Variants in RAPGEF2 observed in about 807,000 individuals in gnomAD.
RAPGEF2 encodes Rap guanine nucleotide exchange factor 2.
In RAPGEF2, 54 loss-of-function variants were observed where a neutral mutation model predicts 186.7. That is an observed-to-expected ratio of 0.29 (90% CI 0.23 to 0.36). RAPGEF2 has a LOEUF of 0.36. Among genes scored for constraint, RAPGEF2 ranks in the 10% least tolerant of loss-of-function variants. The pLI, the probability that RAPGEF2 is intolerant of heterozygous loss-of-function variation, is 1.00. For missense variants in RAPGEF2, 1,532 were observed against 2,045.0 expected, an observed-to-expected ratio of 0.75 and a Z score of 4.84; for synonymous variants, 712 against 705.9, an observed-to-expected ratio of 1.01 and a Z score of -0.14.
At chr4:159,310,094 G>A (rs1453550843) in intron 8 of RAPGEF2, among the ~76,000 whole-genome samples, 1 of 150,782 alleles carries the variant, frequency 6.6e-6, no homozygotes, top group African/African-American at 2.5e-5. Flanking sequence ...AGCTCACAAT[G>A]TTAAAATGTT....
In RAPGEF2 at chr4:159,103,447, C is replaced by T; in HGVS notation, c.-716C>T. The T allele has an allele frequency of 6.2e-6, 1 of 160,362 alleles. No homozygotes were observed. The highest frequency in any genetic ancestry group is 1.3e-5 in the Non-Finnish European group (1 of 74,700). The allele number at this position is 160,362 out of a possible 1,614,324, so 9.9% of individuals were successfully genotyped here. A position where few individuals can be genotyped will look rare whatever the true frequency, so the allele number is the denominator to read the frequency against. ...GCCCGAGCAGCAGAGGCGGCGGCGG[C>T]GGCGGCTGGGCGGCCCGAGGGGATG... On this transcript the variant is annotated 5_prime_UTR_variant, in exon 1 of 30. Transcript: ENST00000691494.
intron 4 of RAPGEF2, among the ~76,000 whole-genome samples, chr4:159,213,091 C>T (rs1246705881): frequency 1.3e-5 from 2 of 152,138 alleles, no homozygotes; most frequent in Non-Finnish European, 2.9e-5. Flanking sequence ...ATGGCGGTTC[C>T]GACGGAATGA....
intron 1 of RAPGEF2, among the ~76,000 whole-genome samples, chr4:159,162,275 A>G (rs1366384728): frequency 6.6e-6 from 1 of 150,658 alleles, no homozygotes; most frequent in Non-Finnish European, 1.5e-5. Flanking sequence ...TTGTAGTCCC[A>G]AGTAGCTGGG....
intron 11 of RAPGEF2, chr4:159,326,546 A>C (rs1765950241): frequency 6.6e-6 from 1 of 152,170 alleles, no homozygotes; most frequent in African/African-American, 2.4e-5. Context: ...ATTAAATTTA[A>C]GATTTATTTG....
chr4:159,290,274 C>T (rs532886391), intron 7 of RAPGEF2, among the ~76,000 whole-genome samples: 12 of 152,284 alleles, frequency 7.9e-5, no homozygotes, highest in African/African-American at 2.9e-4. Context: ...TGTGTAACTT[C>T]AAGGTTATGG....
chr4:159,224,658 G>A (rs150194804), intron 4 of RAPGEF2, among the ~76,000 whole-genome samples: 1 of 152,078 alleles, frequency 6.6e-6, no homozygotes, highest in Non-Finnish European at 1.5e-5. Context: ...AATCAGATTC[G>A]AACAGAGAGG....
At chr4:159,185,750 T>C (rs1469331768) in intron 1 of RAPGEF2, among the ~76,000 whole-genome samples, 3 of 152,184 alleles carry the variant, frequency 2.0e-5, no homozygotes, top group Non-Finnish European at 2.9e-5. Flanking sequence ...GTGAGATAGA[T>C]TGTACAACAA....
chr4:159,330,476 A>C lies in RAPGEF2; in HGVS notation c.1445A>C (p.Asn482Thr). 6.2e-7 allele frequency: 1 copy of C among 1,606,752 alleles called. No individual in the cohort carries two copies. The highest frequency in any genetic ancestry group is 8.5e-7 in the Non-Finnish European group (1 of 1,178,154). Residue 482 changes from asparagine (N) to threonine (T), a missense_variant, in exon 13 of 30, where the codon AAT becomes ACT. By Grantham distance (65) the Asn-to-Thr change is moderately conservative (BLOSUM62 0). This residue lies in a region of RAPGEF2 where 810 missense variants were observed against 1,210.5 expected (regional missense o/e 0.67). Transcript: ENST00000691494. ...GGCAAAAAGTTATTGGAGTGGTTTA[A>C]TGACCCGAGCCTCAGGGATAAGGTT... The part of the protein sequence containing the change: ...EVGKKLLEWF[N>T]DPSLRDKVTR...
chr4:159,311,557 A>T (rs1209021678), intron 8 of RAPGEF2, among the ~76,000 whole-genome samples: 1 of 152,196 alleles, frequency 6.6e-6, no homozygotes, highest in Admixed American at 6.5e-5. Flanking sequence ...AATAGTAAGA[A>T]GTTGTATCTA....
At chr4:159,131,740 C>T (rs1254328620) in intron 1 of RAPGEF2, among the ~76,000 whole-genome samples, 1 of 151,340 alleles carries the variant, frequency 6.6e-6, no homozygotes, top group East Asian at 1.9e-4. Flanking sequence ...TCTCAGCAGT[C>T]CTACAGCCCG....
chr4:159,257,461 C>G (rs1756317071), intron 7 of RAPGEF2, among the ~76,000 whole-genome samples: 1 of 152,144 alleles, frequency 6.6e-6, no homozygotes, highest in Admixed American at 6.5e-5. Flanking sequence ...ACAGGAAAGA[C>G]CCGCCCCATG....
intron 7 of RAPGEF2, among the ~76,000 whole-genome samples, chr4:159,261,342 G>T (rs11724890): frequency 3.8e-4 from 58 of 152,134 alleles, no homozygotes; most frequent in Middle Eastern, 6.8e-3. Flanking sequence ...GATTACGGGC[G>T]TGAGCCACCG....
intron 11 of RAPGEF2, chr4:159,328,424 C>T (rs1439094510): frequency 6.6e-6 from 1 of 151,864 alleles, no homozygotes; most frequent in Non-Finnish European, 1.5e-5. Context: ...ACAAAAAAAG[C>T]CTATATCTTT....
chr4:159,339,483 TTG>T, intron 19 of RAPGEF2, 129 bp downstream of exon 19: 4 of 1,246,242 alleles, frequency 3.2e-6, no homozygotes, highest in Admixed American at 2.3e-5. Context: ...AGTATTGTTG[TTG>T]TTTTTTTTTT....
At chr4:159,302,223 A>C (rs1471991426) in intron 7 of RAPGEF2, among the ~76,000 whole-genome samples, 1 of 152,208 alleles carries the variant, frequency 6.6e-6, no homozygotes, top group Non-Finnish European at 1.5e-5. Context: ...CTCTCCATAC[A>C]GTGAATTCTT....
intron 4 of RAPGEF2, chr4:159,229,443 G>A (rs1752387533): frequency 6.6e-6 from 1 of 152,178 alleles, no homozygotes; most frequent in African/African-American, 2.4e-5. Flanking sequence ...GGAGAATGTG[G>A]TCACAGAAAC....
chr4:159,296,990 G>A lies in RAPGEF2; in HGVS notation c.544-7352G>A, dbSNP rs530512157. On this transcript the variant is annotated intron_variant, in intron 7 of 29. Coordinates refer to ENST00000691494, the MANE Select transcript of RAPGEF2 (RefSeq NM_001394067.2). ...ATATTGATTATTTATTTTCCTCATC[G>A]GGGTCCCAAGTGTATTTAAATTGTC... Among the ~76,000 whole-genome samples the A allele has an allele frequency of 6.6e-5, 10 of 152,158 alleles. No homozygotes were observed. In the South Asian group the frequency reaches 1.2e-3, roughly 19 times the overall value.
rs138627054 is a variant in RAPGEF2, at chr4:159,290,034, A to G, written c.544-14308A>G. The stretch of plus-strand genomic sequence containing the variant: ...GAGAAGCCACTAAAACATTTTAGGC[A>G]GGGGAGTGACAGGATCAGGTGTGTA... On this transcript the variant is annotated intron_variant, in intron 7 of 29. Coordinates refer to ENST00000691494, the MANE Select transcript of RAPGEF2 (RefSeq NM_001394067.2). Among the ~76,000 whole-genome samples, 793 of 152,322 alleles carry G rather than the reference A, an allele frequency of 5.2e-3. 11 individuals are homozygous for G. Among genetic ancestry groups the G allele is most frequent in the African/African-American group, 0.018 (740 of 41,582 alleles).
chr4:159,127,065 C>T (rs1001271497), intron 1 of RAPGEF2, among the ~76,000 whole-genome samples: 6 of 152,128 alleles, frequency 3.9e-5, no homozygotes, highest in East Asian at 1.9e-4. Flanking sequence ...TTGCTCTTGT[C>T]GCCCAGGCTG....
Sources: gnomAD v4.1 joint callset for allele counts (sites outside exome capture counted in the v4.1 genomes callset) on GRCh38, gnomAD v4.1.1 for gene constraint, gnomAD v4.1.1 regional missense constraint, MANE v1.5 for transcripts, NCBI Gene and HGNC (gene_info 2026-07-23, HGNC 2026-07-21) for gene names.